Variants in NRXN3 observed in about 807,000 individuals in gnomAD.
The protein encoded by NRXN3 is neurexin III.
Under a neutral mutation model 137.6 loss-of-function variants are expected in NRXN3, and 32 were observed. The observed-to-expected ratio is 0.23, with a 90% CI of 0.18 to 0.31. The LOEUF (loss-of-function observed/expected upper bound fraction) is 0.31, where lower values mean the gene tolerates loss of function less well. Among genes scored for constraint, NRXN3 ranks in the 10% least tolerant of loss-of-function variants. The pLI is 1.00. For synonymous variants in NRXN3, 798 were observed against 784.5 expected (o/e 1.02, Z -0.29); for missense variants, 1,574 against 2,062.5 (o/e 0.76, Z 4.59).
chr14:79,796,546 C>T (rs1383453741), intron 19 of NRXN3, among the ~76,000 whole-genome samples: 1 of 152,062 alleles, frequency 6.6e-6, no homozygotes, highest in Non-Finnish European at 1.5e-5. Flanking sequence ...AATTAAACTG[C>T]TGCACTACAT....
At chr14:79,266,541 G>A (rs2153417952) in intron 15 of NRXN3, among the ~76,000 whole-genome samples, 1 of 152,158 alleles carries the variant, frequency 6.6e-6, no homozygotes, top group Non-Finnish European at 1.5e-5. Context: ...GCATTTTTCT[G>A]GCATTTAGTT....
chr14:79,339,834 G>A (rs574390647), intron 15 of NRXN3, among the ~76,000 whole-genome samples: 53 of 152,224 alleles, frequency 3.5e-4, no homozygotes, highest in Non-Finnish European at 5.7e-4. Flanking sequence ...CTGAGAAATT[G>A]GGATGATCAT....
chr14:79,009,050 C>G (rs2099564327), intron 15 of NRXN3, among the ~76,000 whole-genome samples: 1 of 152,086 alleles, frequency 6.6e-6, no homozygotes, highest in African/African-American at 2.4e-5. Context: ...GATAGTCCTG[C>G]CCTGTTCAGG....
At chr14:79,102,685 T>C (rs2051563146) in intron 15 of NRXN3, among the ~76,000 whole-genome samples, 1 of 152,158 alleles carries the variant, frequency 6.6e-6, no homozygotes, top group Admixed American at 6.6e-5. Flanking sequence ...AGTGGTGGTG[T>C]CATAAAAATC....
intron 15 of NRXN3, among the ~76,000 whole-genome samples, chr14:79,067,374 T>G (rs941605424): frequency 1.3e-5 from 2 of 152,192 alleles, no homozygotes; most frequent in African/African-American, 2.4e-5. Flanking sequence ...TGTCAGTATT[T>G]TATTGAGGAT....
intron 14 of NRXN3, among the ~76,000 whole-genome samples, chr14:78,968,743 T>C (rs1033531736): frequency 7.9e-5 from 12 of 152,226 alleles, no homozygotes; most frequent in Admixed American, 2.0e-4. Context: ...ATGTCACTAA[T>C]TAATAAAATG....
intron 8 of NRXN3, among the ~76,000 whole-genome samples, chr14:78,742,842 A>G (rs1165034096): frequency 2.0e-5 from 3 of 152,240 alleles, no homozygotes; most frequent in Non-Finnish European, 4.4e-5. Context: ...AACGATAAGA[A>G]TGTTCTTCTT....
chr14:79,417,950 T>A (rs1316497655), intron 15 of NRXN3, among the ~76,000 whole-genome samples: 2 of 144,224 alleles, frequency 1.4e-5, no homozygotes, highest in Non-Finnish European at 1.5e-5. Flanking sequence ...AACAGAAGCG[T>A]AGAGAATATA....
chr14:79,089,651 ACT>A (rs1440635504), intron 15 of NRXN3, among the ~76,000 whole-genome samples: 1 of 149,954 alleles, frequency 6.7e-6, no homozygotes, highest in Non-Finnish European at 1.5e-5. Context: ...TCAAAAAATA[ACT>A]CTTGTATATG....
intron 4 of NRXN3, among the ~76,000 whole-genome samples, chr14:78,314,982 CCTTCCTTTCTCTT>C (rs1567235918): frequency 9.5e-4 from 87 of 91,472 alleles, no homozygotes; most frequent in African/African-American, 4.3e-3. Context: ...TTCCTTCCTT[CCTTCCTTTCTCTT>C]TCTTTCTTTC....
At chr14:79,239,938 C>G (rs928764526) in intron 15 of NRXN3, among the ~76,000 whole-genome samples, 12 of 152,114 alleles carry the variant, frequency 7.9e-5, no homozygotes, top group Non-Finnish European at 2.9e-5. Context: ...CATAGTTTCA[C>G]TTATGTGGAA....
chr14:78,240,778 C>T (rs1037797745), intron 1 of NRXN3, among the ~76,000 whole-genome samples: 28 of 152,076 alleles, frequency 1.8e-4, no homozygotes, highest in African/African-American at 9.7e-5. Flanking sequence ...GCCCCTTGTT[C>T]GTTGGGTTTG....
chr14:79,781,976 T>C (rs1236077253), intron 19 of NRXN3, among the ~76,000 whole-genome samples: 1 of 152,194 alleles, frequency 6.6e-6, no homozygotes, highest in African/African-American at 2.4e-5. Context: ...TCGATGTAGG[T>C]GAAGAGTCTT....
intron 6 of NRXN3, among the ~76,000 whole-genome samples, chr14:78,671,226 A>G (rs2097931665): frequency 6.6e-6 from 1 of 152,188 alleles, no homozygotes; most frequent in Admixed American, 6.5e-5. Flanking sequence ...CAATACGTTG[A>G]GAACTGAAAG....
Position 79,861,766 on chromosome 14 carries a change from C to A in NRXN3, c.4518C>A (p.Ala1506=), listed in dbSNP as rs962171059. The A allele has an allele frequency of 6.2e-7, 1 of 1,614,022 alleles. No individual in the cohort carries two copies. The highest frequency in any genetic ancestry group is 8.5e-7 in the Non-Finnish European group (1 of 1,180,008). ...TGMVVGIVAA[A]ALCILILLYA... ...TGGTCGTCGGCATTGTGGCTGCTGC[C>A]GCCCTCTGCATCTTGATCCTCCTGT... Residue 1506 remains alanine, a synonymous_variant, in exon 21 of 21, where the codon GCC becomes GCA. Transcript: ENST00000335750. The surrounding 1 kb of genome is among the most constrained non-coding windows in gnomAD (Gnocchi z 5.4).
intron 15 of NRXN3, among the ~76,000 whole-genome samples, chr14:79,259,745 T>C (rs372898689): frequency 2.8e-4 from 30 of 105,704 alleles, no homozygotes; most frequent in Non-Finnish European, 4.8e-4. Flanking sequence ...CACACACACA[T>C]ATACACACAC....
At chr14:78,291,958 A>T (rs114101233) in intron 3 of NRXN3, among the ~76,000 whole-genome samples, 1,730 of 152,200 alleles carry the variant, frequency 0.011, 38 homozygotes, top group African/African-American at 0.039. Flanking sequence ...CTTCCCCGAA[A>T]TGCTTTTGCC....
At chr14:78,840,054 CA>C in intron 10 of NRXN3, among the ~76,000 whole-genome samples, 1 of 152,298 alleles carries the variant, frequency 6.6e-6, no homozygotes, top group Non-Finnish European at 1.5e-5. Context: ...AGGTTTGAAA[CA>C]GAGAGCAAAA....
intron 1 of NRXN3, among the ~76,000 whole-genome samples, chr14:78,205,899 G>A (rs1236632905): frequency 1.3e-5 from 2 of 152,224 alleles, no homozygotes; most frequent in Non-Finnish European, 2.9e-5. Context: ...GATAAGTGAG[G>A]AGTCTAGGTC....
Sources: gnomAD v4.1 joint callset for allele counts (sites outside exome capture counted in the v4.1 genomes callset) on GRCh38, gnomAD v4.1.1 for gene constraint, Gnocchi (gnomAD v3.1) non-coding constraint, MANE v1.5 for transcripts, NCBI Gene and HGNC (gene_info 2026-07-23, HGNC 2026-07-21) for gene names.